PXDNL: variants seen among roughly 807,000 people sequenced by gnomAD.
PXDNL encodes probable oxidoreductase PXDNL.
PXDNL carries 145 observed loss-of-function variants against 150.8 expected under a neutral mutation model. The ratio of observed to expected loss-of-function variants is 0.96; its 90% CI spans 0.84 to 1.10. The LOEUF (loss-of-function observed/expected upper bound fraction) is 1.10. Among genes scored for constraint, PXDNL ranks in the 50% least tolerant of loss-of-function variants. PXDNL has a pLI of 0.00. For synonymous variants in PXDNL, 757 were observed against 725.7 expected (o/e 1.04, Z -0.69); for missense variants, 2,087 against 1,873.9 (o/e 1.11, Z -2.10).
At chr8:51,543,941 G>A (rs1025379456) in intron 4 of PXDNL, among the ~76,000 whole-genome samples, 5 of 152,146 alleles carry the variant, frequency 3.3e-5, no homozygotes, top group African/African-American at 1.2e-4. Flanking sequence ...GGCAGAAATT[G>A]TAGATGAGGA....
intron 1 of PXDNL, among the ~76,000 whole-genome samples, chr8:51,749,104 G>T (rs966309237): frequency 1.3e-5 from 2 of 152,120 alleles, no homozygotes; most frequent in African/African-American, 2.4e-5. Context: ...TTTGGTATCA[G>T]TATTAATTAC....
At chr8:51,700,188 CACA>C (rs528552894) in intron 1 of PXDNL, among the ~76,000 whole-genome samples, 3 of 151,366 alleles carry the variant, frequency 2.0e-5, no homozygotes, top group African/African-American at 7.3e-5. Context: ...CACACACACA[CACA>C]CACACCATCA....
intron 2 of PXDNL, among the ~76,000 whole-genome samples, chr8:51,642,547 T>C (rs1459104011): frequency 6.6e-6 from 1 of 151,984 alleles, no homozygotes; most frequent in Non-Finnish European, 1.5e-5. Context: ...TATCTCAAAA[T>C]AATAAGAGTT....
intron 1 of PXDNL, among the ~76,000 whole-genome samples, chr8:51,773,007 G>A (rs1249879806): frequency 6.6e-6 from 1 of 152,192 alleles, no homozygotes; most frequent in Non-Finnish European, 1.5e-5. Flanking sequence ...GTGATCTAGA[G>A]TTTCAAAGAT....
In PXDNL at chr8:51,515,267, G is replaced by GGGAGATCA. The variant is rs1345090427; in HGVS notation, c.381-15505_381-15498dup. ...AAGAGAGCTTAGATGGAAGAGCAGG[G>GGGAGATCA]GGAGATCATCCACAGACGATAGGGT... On this transcript the variant is annotated intron_variant, in intron 4 of 22. Coordinates refer to ENST00000356297, the MANE Select transcript of PXDNL (RefSeq NM_144651.5). Among the ~76,000 whole-genome samples, 4 of 152,280 alleles carry GGGAGATCA rather than the reference G, an allele frequency of 2.6e-5. No individual in the cohort carries two copies. In the East Asian group the frequency reaches 7.8e-4, roughly 30 times the overall value.
intron 2 of PXDNL, among the ~76,000 whole-genome samples, chr8:51,640,212 T>G (rs1286433537): frequency 6.6e-6 from 1 of 152,096 alleles, no homozygotes; most frequent in Non-Finnish European, 1.5e-5. Flanking sequence ...CTCAAAATAA[T>G]AAGAGCTATC....
rs1195750381 is a variant in PXDNL, at chr8:51,486,794, ATTTTTTTTTTTTTT to A, written c.453-3094_453-3081del. On this transcript the variant is annotated intron_variant, in intron 5 of 22. Coordinates refer to ENST00000356297, the MANE Select transcript of PXDNL (RefSeq NM_144651.5). ...TATATATATATATATATATATATAT[ATTTTTTTTTTTTTT>A]TTTTTTTTTTTTTGAGACGGAGTCT... 4.3e-3 allele frequency among the ~76,000 whole-genome samples: 105 copies of A among 24,688 alleles called. 1 individual carries two copies. The highest frequency in any genetic ancestry group is 0.042 in the Middle Eastern group (1 of 24). The allele number at this position is 24,688 out of a possible 152,430, so 16.2% of individuals were successfully genotyped here.
At chr8:51,363,531 G>C (rs562105209) in intron 19 of PXDNL, among the ~76,000 whole-genome samples, 1 of 152,026 alleles carries the variant, frequency 6.6e-6, no homozygotes, top group African/African-American at 2.4e-5. Flanking sequence ...TGCATACACC[G>C]GTAATTAGAA....
chr8:51,743,906 A>AAAG, intron 1 of PXDNL, among the ~76,000 whole-genome samples: 1 of 125,842 alleles, frequency 7.9e-6, no homozygotes, highest in South Asian at 2.9e-4. Flanking sequence ...CTGCTGAGAG[A>AAAG]GAAAGGAAGG....
chr8:51,720,979 C>T (rs933070790), intron 1 of PXDNL, among the ~76,000 whole-genome samples: 3 of 152,240 alleles, frequency 2.0e-5, no homozygotes, highest in Admixed American at 6.5e-5. Context: ...TGTCCCACCA[C>T]GGCCCCAGGA....
intron 2 of PXDNL, among the ~76,000 whole-genome samples, chr8:51,610,280 T>C (rs1813971548): frequency 6.6e-6 from 1 of 152,190 alleles, no homozygotes; most frequent in African/African-American, 2.4e-5. Context: ...TTGTTTCAAG[T>C]TCCTTAGGCA....
chr8:51,453,908 C>CATATATATAT lies in PXDNL; in HGVS notation c.983-133_983-124dup, dbSNP rs143004029. On this transcript the variant is annotated intron_variant, in intron 9 of 22. Transcript: ENST00000356297. The stretch of plus-strand genomic sequence containing the variant: ...AATTCCTTTAAACTAAAATATTACA[C>CATATATATAT]ATATATATATATACACATTTAATTC... The CATATATATAT allele has an allele frequency of 1.6e-3, 1,229 of 783,164 alleles. 8 individuals carry two copies. The highest frequency in any genetic ancestry group is 0.015 in the African/African-American group (848 of 55,826). The allele number at this position is 783,164 out of a possible 1,614,324, so 48.5% of individuals were successfully genotyped here.
intron 2 of PXDNL, among the ~76,000 whole-genome samples, chr8:51,632,964 CTGAGTTT>C (rs1814523131): frequency 6.6e-6 from 1 of 151,902 alleles, no homozygotes; most frequent in African/African-American, 2.4e-5. Flanking sequence ...CTGGGTGATG[CTGAGTTT>C]TGGAGTATAA....
chr8:51,412,622 G>C (rs1019728589), intron 15 of PXDNL, among the ~76,000 whole-genome samples: 1 of 152,142 alleles, frequency 6.6e-6, no homozygotes, highest in African/African-American at 2.4e-5. Context: ...TACTTTATCC[G>C]ATTATGATGA....
intron 3 of PXDNL, among the ~76,000 whole-genome samples, chr8:51,587,105 G>A (rs866090327): frequency 4.6e-5 from 7 of 152,182 alleles, no homozygotes; most frequent in South Asian, 2.1e-4. Flanking sequence ...ATCAATGCCC[G>A]TAAGTAACAA....
At position 51,453,749 on chromosome 8, in the gene PXDNL, T is replaced by G. The variant is rs763942219; in HGVS notation, c.1019A>C (p.Glu340Ala). 1.9e-6 allele frequency: 3 copies of G among 1,614,002 alleles called. No individual in the cohort carries two copies. The highest frequency in any genetic ancestry group is 2.5e-6 in the Non-Finnish European group (3 of 1,179,884). ...PSFVIQPQDT[E>A]VLIGTSTTLE... ...AGTTGTGCTGGTGCCAATTAAAACC[T>G]CTGTGTCCTGAGGCTGGATTACAAA... The change falls in exon 10 of 23, where the codon GAG becomes GCG. Residue 340 changes from glutamate to alanine, a missense_variant. Physicochemically the swap from Glu to Ala is moderately radical, Grantham distance 107. Transcript: ENST00000356297.
At chr8:51,421,237 A>T (rs2129714907) in intron 14 of PXDNL, among the ~76,000 whole-genome samples, 1 of 152,222 alleles carries the variant, frequency 6.6e-6, no homozygotes, top group Admixed American at 6.5e-5. Flanking sequence ...TTCTGTAATA[A>T]TTTTTTCCCA....
intron 1 of PXDNL, among the ~76,000 whole-genome samples, chr8:51,800,192 CA>C (rs1438932134): frequency 1.3e-5 from 2 of 152,148 alleles, no homozygotes; most frequent in Admixed American, 6.5e-5. Context: ...GCAATATTTT[CA>C]GCACCCCTCA....
At chr8:51,352,664 G>A (rs1806388196) in intron 19 of PXDNL, among the ~76,000 whole-genome samples, 1 of 152,150 alleles carries the variant, frequency 6.6e-6, no homozygotes, top group African/African-American at 2.4e-5. Flanking sequence ...CCCCAGCCAT[G>A]TGAAACTGTG....
Sources: allele counts gnomAD v4.1 joint callset (sites outside exome capture counted in the v4.1 genomes callset), GRCh38; gene constraint gnomAD v4.1.1; transcripts MANE v1.5; gene names NCBI Gene and HGNC (gene_info 2026-07-23, HGNC 2026-07-21).